The following PCLO variants were observed in gnomAD, a reference collection of about 807,000 sequenced individuals.
The protein encoded by PCLO is protein piccolo.
A neutral mutation model predicts 427.5 loss-of-function variants in PCLO; 82 were observed. That is an observed-to-expected ratio of 0.19 (90% CI 0.16 to 0.23). PCLO has a LOEUF of 0.23. Among genes scored for constraint, PCLO ranks in the 10% least tolerant of loss-of-function variants. The probability of loss-of-function intolerance (pLI) is 1.00; values close to 1 mark genes in which losing one functional copy is unlikely to be tolerated. For missense variants in PCLO, 6,239 were observed against 6,115.9 expected (o/e 1.02, Z -0.67); for synonymous variants, 2,357 against 2,155.4 (o/e 1.09, Z -2.59).
chr7:83,113,379 C>T (rs117980537), intron 3 of PCLO, among the ~76,000 whole-genome samples: 1,633 of 152,244 alleles, frequency 0.011, 16 homozygotes, highest in Non-Finnish European at 0.017. Context: ...CATTTATCCC[C>T]CAGCCTTAGC....
chr7:83,028,147 A>G (rs371343993), intron 3 of PCLO, among the ~76,000 whole-genome samples: 1 of 152,218 alleles, frequency 6.6e-6, no homozygotes, highest in African/African-American at 2.4e-5. Flanking sequence ...TATTCAATTA[A>G]GAAAAGAGGA....
intron 2 of PCLO, among the ~76,000 whole-genome samples, chr7:83,143,392 G>T (rs765891031): frequency 6.6e-6 from 1 of 152,094 alleles, no homozygotes; most frequent in Non-Finnish European, 1.5e-5. Context: ...GGCATACTCA[G>T]CAACTTAATA....
chr7:83,134,966 T>C lies in PCLO; in HGVS notation c.2584A>G (p.Met862Val), dbSNP rs1198899865. The part of the protein sequence containing the change: ...KEEPKKAQTK[M>V]SPKPDAKPMP... ...GGCTTGGCATCTGGTTTAGGACTCA[T>C]TTTGGTTTGTGCTTTCTTGGGTTCT... Residue 862 changes from methionine to valine, a missense_variant, in exon 3 of 25, where the codon ATG becomes GTG. Met to Val is a conservative substitution (Grantham distance 21). This residue lies in a region of PCLO where 4,677 missense variants were observed against 4,468.4 expected (regional missense o/e 1.05). Transcript: ENST00000333891. The C allele has an allele frequency of 6.2e-7, 1 of 1,612,434 alleles. No homozygotes were observed. Among genetic ancestry groups the C allele is most frequent in the South Asian group, 1.1e-5 (1 of 90,912 alleles).
At position 82,758,353 on chromosome 7, in the gene PCLO, T is replaced by C; in HGVS notation, c.*222A>G. ...TCACAGCCATGGGAAATTCAAGGTC[T>C]CAGAACTCCATTCTTCTTGTTTTCA... On this transcript the variant is annotated 3_prime_UTR_variant, in exon 25 of 25. Coordinates refer to ENST00000333891, the MANE Select transcript of PCLO (RefSeq NM_033026.6). The C allele has an allele frequency of 2.5e-6, 1 of 406,582 alleles. No homozygotes were observed. Among genetic ancestry groups the C allele is most frequent in the Non-Finnish European group, 4.4e-6 (1 of 228,928 alleles). The allele number at this position is 406,582 out of a possible 1,614,324, so 25.2% of individuals were successfully genotyped here.
At position 83,135,493 on chromosome 7, in the gene PCLO, T is replaced by C; in HGVS notation, c.2057A>G (p.Lys686Arg). Residue 686 changes from lysine (K) to arginine (R), a missense_variant, in exon 3 of 25, where the codon AAG (lysine) becomes AGG (arginine). Physicochemically the swap from Lys to Arg is conservative, Grantham distance 26. This residue lies in a region of PCLO where 4,677 missense variants were observed against 4,468.4 expected (regional missense o/e 1.05). Coordinates refer to ENST00000333891, the MANE Select transcript of PCLO (RefSeq NM_033026.6). ...SPQPQQTSPK[K>R]DAAPKQDLSK... Reference sequence around the variant, plus strand: ...GAGATCCTGTTTTGGTGCAGCATCCTTCTTTGGGGAAGTCTGCTGTGGCTG... The same window carrying C: ...GAGATCCTGTTTTGGTGCAGCATCCCTCTTTGGGGAAGTCTGCTGTGGCTG... The C allele has an allele frequency of 6.2e-7, 1 of 1,613,758 alleles. No homozygotes were observed. Among genetic ancestry groups the C allele is most frequent in the Non-Finnish European group, 8.5e-7 (1 of 1,179,858 alleles).
chr7:82,765,144 C>G (rs780238720), intron 22 of PCLO, among the ~76,000 whole-genome samples: 11 of 151,746 alleles, frequency 7.2e-5, no homozygotes, highest in South Asian at 6.2e-4. Context: ...TGAAAAAATA[C>G]AGAAGTTCTG....
At chr7:83,104,845 T>C (rs1790816567) in intron 3 of PCLO, among the ~76,000 whole-genome samples, 1 of 152,146 alleles carries the variant, frequency 6.6e-6, no homozygotes, top group South Asian at 2.1e-4. Context: ...TTCTAAGTCT[T>C]GGGCACTGCC....
At position 83,037,590 on chromosome 7, in the gene PCLO, A is replaced by G. The variant is rs557555036; in HGVS notation, c.3301-71103T>C. Reference sequence around the variant, plus strand: ...AAAAGGAAGGAAGCAGTTATTTTTCAGATAATAACCTTACTCATACCTTTC... The same window carrying G: ...AAAAGGAAGGAAGCAGTTATTTTTCGGATAATAACCTTACTCATACCTTTC... On this transcript the variant is annotated intron_variant, in intron 3 of 24. Coordinates refer to ENST00000333891, the MANE Select transcript of PCLO (RefSeq NM_033026.6). 2.0e-5 allele frequency among the ~76,000 whole-genome samples: 3 copies of G among 151,914 alleles called. No individual in the cohort carries two copies. The East Asian group carries it at 5.9e-4, about 30-fold the overall frequency.
rs980907044 is a variant in PCLO, at chr7:83,016,557, T to A, written c.3301-50070A>T. On this transcript the variant is annotated intron_variant, in intron 3 of 24. Transcript: ENST00000333891. Reference sequence around the variant, plus strand: ...GTTATTGTTTAGACAATTTGTGGGGTTAGGAGAGAGATCTACTCTAGAGAC... The same window carrying A: ...GTTATTGTTTAGACAATTTGTGGGGATAGGAGAGAGATCTACTCTAGAGAC... Among the ~76,000 whole-genome samples the A allele has an allele frequency of 2.1e-4, 31 of 151,132 alleles. 1 individual carries two copies. The highest frequency in any genetic ancestry group is 7.5e-4 in the African/African-American group (31 of 41,148).
chr7:82,909,160 T>C (rs1441262495), intron 7 of PCLO, 147 bp from the exon 8 acceptor site: 1 of 695,798 alleles, frequency 1.4e-6, no homozygotes, highest in African/African-American at 1.9e-5. Context: ...CTAGAAAAAT[T>C]ATTTTTGTTA....
At chr7:82,890,702 T>C (rs1237853569) in intron 9 of PCLO, among the ~76,000 whole-genome samples, 1 of 152,002 alleles carries the variant, frequency 6.6e-6, no homozygotes, top group Non-Finnish European at 1.5e-5. Flanking sequence ...GAACTATCAA[T>C]AGGATATATA....
chr7:82,928,547 A>AT (rs1453478027), intron 6 of PCLO, among the ~76,000 whole-genome samples: 2 of 151,762 alleles, frequency 1.3e-5, no homozygotes, highest in African/African-American at 2.4e-5. Context: ...CGCTCGGCTA[A>AT]TTTTTTTTGT....
chr7:83,094,043 A>G (rs1790463460), intron 3 of PCLO, among the ~76,000 whole-genome samples: 1 of 151,728 alleles, frequency 6.6e-6, no homozygotes, highest in African/African-American at 2.4e-5. Flanking sequence ...GCTGTTTTAT[A>G]GCCATGTGTT....
intron 3 of PCLO, chr7:83,018,074 A>G (rs989632132): frequency 1.3e-5 from 2 of 152,050 alleles, no homozygotes; most frequent in African/African-American, 4.8e-5. Flanking sequence ...TTTATTATCC[A>G]TTTGAAAGAA....
intron 22 of PCLO, among the ~76,000 whole-genome samples, chr7:82,765,334 A>C (rs1391651645): frequency 6.6e-6 from 1 of 151,858 alleles, no homozygotes; most frequent in East Asian, 1.9e-4. Context: ...ATTCCAACTC[A>C]AAATCTAGAA....
chr7:82,889,322 C>T (rs930251708), intron 9 of PCLO, among the ~76,000 whole-genome samples: 1 of 152,062 alleles, frequency 6.6e-6, no homozygotes, highest in Non-Finnish European at 1.5e-5. Flanking sequence ...GAATCTCTCC[C>T]TCACCACCAG....
At chr7:82,979,381 T>C (rs1299860196) in intron 3 of PCLO, among the ~76,000 whole-genome samples, 1 of 152,220 alleles carries the variant, frequency 6.6e-6, no homozygotes, top group Non-Finnish European at 1.5e-5. Flanking sequence ...ATGCATTTTA[T>C]TTAATGATTC....
chr7:82,913,965 GT>G (rs1584142571), intron 7 of PCLO, among the ~76,000 whole-genome samples: 2 of 152,014 alleles, frequency 1.3e-5, no homozygotes, highest in East Asian at 3.9e-4. Flanking sequence ...AGTTTACAAG[GT>G]TTCAATTTTA....
chr7:83,157,562 G>A (rs1369131340), intron 1 of PCLO, among the ~76,000 whole-genome samples: 1 of 151,648 alleles, frequency 6.6e-6, no homozygotes, highest in African/African-American at 2.4e-5. Flanking sequence ...CATTTTAAAT[G>A]ACTATGGTTA....
Sources: allele counts gnomAD v4.1 joint callset (sites outside exome capture counted in the v4.1 genomes callset), GRCh38; gene constraint gnomAD v4.1.1; regional missense constraint gnomAD v4.1.1; transcripts MANE v1.5; gene names NCBI Gene and HGNC (gene_info 2026-07-23, HGNC 2026-07-21).